The following GIGYF1 variants were observed in gnomAD, a reference collection of about 807,000 sequenced individuals.
GIGYF1 encodes the protein GRB10-interacting GYF protein 1.
Under a neutral mutation model 147.1 loss-of-function variants are expected in GIGYF1, and 84 were observed. That is an observed-to-expected ratio of 0.57 (90% confidence interval 0.48 to 0.68). GIGYF1 has a LOEUF of 0.68. GIGYF1 is among the 30% of genes least tolerant of loss of function. The probability of loss-of-function intolerance (pLI) is 0.00; values close to 1 mark genes in which losing one functional copy is unlikely to be tolerated. For missense variants in GIGYF1, 1,485 were observed against 1,393.7 expected (o/e 1.07, Z -1.04); for synonymous variants, 752 against 589.5 (o/e 1.28, Z -3.99).
Position 100,684,846 on chromosome 7 carries a change from C to T in GIGYF1, c.1339G>A (p.Glu447Lys), listed in dbSNP as rs1386109083. ...ASLQDSSLEE[E>K]QFTAAMQTQG... ...GTCTGCATGGCAGCCGTGAACTGCT[C>T]CTCCTCCAAGGAGCTGTCCTGCAGG... is the stretch of plus-strand genomic sequence containing the variant. The change falls in exon 15 of 27, where the codon GAG becomes AAG. Residue 447 changes from glutamate (E) to lysine (K), a missense_variant. By Grantham distance (56) the Glu-to-Lys change is moderately conservative. Coordinates refer to ENST00000678049, the MANE Select transcript of GIGYF1 (RefSeq NM_001375765.1). 6 of 1,605,954 alleles carry T rather than the reference C, an allele frequency of 3.7e-6. No individual in the cohort carries two copies. The highest frequency in any genetic ancestry group is 5.1e-6 in the Non-Finnish European group (6 of 1,175,618).
In GIGYF1 at chr7:100,686,204, G is replaced by A; in HGVS notation, c.924C>T (p.Ala308=). The stretch of plus-strand genomic sequence containing the variant: ...CCTTGAGAGGCAAGAAGGCCCCAGA[G>A]GCATCAAAGGTGCCCATTTCTTCAT... ...DEDEEMGTFD[A]SGAFLPLKKG... is the part of the protein sequence containing the mutation. The change falls in exon 11 of 27, where the codon GCC becomes GCT. Residue 308 remains alanine (A), a synonymous_variant. Coordinates refer to ENST00000678049, the MANE Select transcript of GIGYF1 (RefSeq NM_001375765.1). 1 of 1,612,844 alleles carries A rather than the reference G, an allele frequency of 6.2e-7. No homozygotes were observed. The highest frequency in any genetic ancestry group is 8.5e-7 in the Non-Finnish European group (1 of 1,179,370).
chr7:100,681,899 C>T lies in GIGYF1; in HGVS notation c.3020G>A (p.Arg1007Gln), dbSNP rs200216197. The T allele has an allele frequency of 1.4e-5, 22 of 1,611,828 alleles. No homozygotes were observed. The highest frequency in any genetic ancestry group is 2.2e-5 in the South Asian group (2 of 91,068). The change falls in exon 26 of 27, where the codon CGG (arginine) becomes CAG (glutamine). Residue 1007 changes from arginine (R) to glutamine (Q), a missense_variant. Coordinates refer to ENST00000678049, the MANE Select transcript of GIGYF1 (RefSeq NM_001375765.1). ...GPGEGSKAKRRALMLHSDPSI... is the reference protein window; with the variant it reads ...GPGEGSKAKRQALMLHSDPSI... Reference sequence around the variant, plus strand: ...GGGGTCTGAGTGCAGCATCAGTGCCCGCCTCTTGGCCTTGCTGCCCTCCCC... The same window carrying T: ...GGGGTCTGAGTGCAGCATCAGTGCCTGCCTCTTGGCCTTGCTGCCCTCCCC...
Position 100,682,660 on chromosome 7 carries a change from T to TG in GIGYF1, c.2529dup (p.Thr844HisfsTer25). On this transcript the variant is annotated frameshift_variant, in exon 23 of 27. Coordinates refer to ENST00000678049, the MANE Select transcript of GIGYF1 (RefSeq NM_001375765.1). LOFTEE classifies it high-confidence loss of function. ...ACCAGGCTCCCGCCGCTCTTGGGGG[T>TG]GTCCTCCCAGAGCCCCAGGCCGCTG... 1 of 1,603,452 alleles carries TG rather than the reference T, an allele frequency of 6.2e-7. No individual in the cohort carries two copies. The highest frequency in any genetic ancestry group is 8.5e-7 in the Non-Finnish European group (1 of 1,176,664).
chr7:100,682,158 C>A lies in GIGYF1; in HGVS notation c.2839G>T (p.Asp947Tyr), dbSNP rs747122849. The part of the protein sequence containing the change: ...VHDYIRSCLG[D>Y]TLEAKEFAKQ... Reference sequence around the variant, plus strand: ...GCAAATTCTTTGGCTTCCAGCGTGTCCCCCAGGCAGGAACGGATATAATCG... The same window carrying A: ...GCAAATTCTTTGGCTTCCAGCGTGTACCCCAGGCAGGAACGGATATAATCG... Residue 947 changes from aspartate (D) to tyrosine (Y), a missense_variant, in exon 25 of 27, where the codon GAC (aspartate) becomes TAC (tyrosine). Physicochemically the swap from Asp to Tyr is radical, Grantham distance 160. Transcript: ENST00000678049. The A allele has an allele frequency of 6.2e-7, 1 of 1,613,980 alleles. No homozygotes were observed. Among genetic ancestry groups the A allele is most frequent in the Non-Finnish European group, 8.5e-7 (1 of 1,179,958 alleles).
In GIGYF1 at chr7:100,687,874, C is replaced by A; in HGVS notation, c.175G>T (p.Glu59Ter). The A allele has an allele frequency of 6.2e-7, 1 of 1,613,558 alleles. No homozygotes were observed. The highest frequency in any genetic ancestry group is 8.5e-7 in the Non-Finnish European group (1 of 1,180,000). Residue 59 changes from glutamate (E) to a stop codon, truncating the protein, a stop_gained, in exon 6 of 27, where the codon GAG (glutamate) becomes TAG (stop). Transcript: ENST00000678049. LOFTEE classifies it high-confidence loss of function. ...GCGGCGAACTCCTTGTCCTGCAGCTCTTCCGGGACCTGGCAGTGGGTTGGG... is the reference window on the plus strand; with the variant it reads ...GCGGCGAACTCCTTGTCCTGCAGCTATTCCGGGACCTGGCAGTGGGTTGGG... ...LYVKENKVPE[E>*]LQDKEFAAVL... is the part of the protein sequence containing the mutation.
At chr7:100,689,860 C>A (rs1285927022) in intron 1 of GIGYF1, among the ~76,000 whole-genome samples, 1 of 152,168 alleles carries the variant, frequency 6.6e-6, no homozygotes, top group Admixed American at 6.5e-5. Context: ...GGACATCACG[C>A]TAAGAGAAAC....
intron 18 of GIGYF1, 44 bp downstream of exon 18, chr7:100,683,976 C>G (rs1364425043): frequency 6.2e-5 from 60 of 969,634 alleles, no homozygotes; most frequent in Non-Finnish European, 8.4e-5. Flanking sequence ...CTGCCCCCAT[C>G]CCCCCCCCAC....
intron 1 of GIGYF1, among the ~76,000 whole-genome samples, chr7:100,693,267 G>A (rs1029436616): frequency 2.0e-5 from 3 of 149,488 alleles, no homozygotes; most frequent in African/African-American, 5.0e-5. Context: ...GAGACGAGGG[G>A]CTTTTAAAAA....
chr7:100,682,476 T>A lies in GIGYF1; in HGVS notation c.2607A>T (p.Ser869=). The change falls in exon 24 of 27, where the codon TCA becomes TCT. Residue 869 remains serine, a synonymous_variant. Coordinates refer to ENST00000678049, the MANE Select transcript of GIGYF1 (RefSeq NM_001375765.1). ...TGGGCCGACCCGATAGGTGGCTGTATGAGTCACTGAAGGGGGAGGGTGAGT... is the reference window on the plus strand; with the variant it reads ...TGGGCCGACCCGATAGGTGGCTGTAAGAGTCACTGAAGGGGGAGGGTGAGT... ...NSRSSPSLSD[S]YSHLSGRPIR... is the part of the protein sequence containing the mutation. 1 of 1,612,022 alleles carries A rather than the reference T, an allele frequency of 6.2e-7. No homozygotes were observed. The highest frequency in any genetic ancestry group is 8.5e-7 in the Non-Finnish European group (1 of 1,179,926).
intron 22 of GIGYF1, 70 bp downstream of exon 22, chr7:100,682,942 T>G: frequency 7.4e-7 from 1 of 1,347,426 alleles, no homozygotes; most frequent in Non-Finnish European, 9.9e-7. Flanking sequence ...CAAGTCTGGG[T>G]TCAGTATCCC....
At chr7:100,693,509 G>A (rs1404036001) in intron 1 of GIGYF1, among the ~76,000 whole-genome samples, 3 of 152,268 alleles carry the variant, frequency 2.0e-5, no homozygotes, top group Non-Finnish European at 4.4e-5. Flanking sequence ...AGGTGAGGAG[G>A]ACCCAGGCGA....
At position 100,684,438 on chromosome 7, in the gene GIGYF1, G is replaced by C; in HGVS notation, c.1629+12C>G. On this transcript the variant is annotated intron_variant, in intron 16 of 26. Transcript: ENST00000678049. ...ACACCCTGTCCCTCCATGCAGGGGAGAAGCGGCTCACCAGCAGTGGGGGAG... is the reference window on the plus strand; with the variant it reads ...ACACCCTGTCCCTCCATGCAGGGGACAAGCGGCTCACCAGCAGTGGGGGAG... 3 of 1,611,864 alleles carry C rather than the reference G, an allele frequency of 1.9e-6. No individual in the cohort carries two copies. The highest frequency in any genetic ancestry group is 2.5e-6 in the Non-Finnish European group (3 of 1,179,864).
Position 100,683,025 on chromosome 7 carries a change from G to T in GIGYF1, c.2399C>A (p.Pro800His). The change falls in exon 22 of 27, where the codon CCC becomes CAC. Residue 800 changes from proline to histidine, a missense_variant. Transcript: ENST00000678049. ...CGGCCTGCTCACCACTCGGTGGTTG[G>T]GGGCCTGGGCCCGAGCTGGCTCCCG... ...PPREPARAQA[P>H]NHRVQLGGLG... The T allele has an allele frequency of 6.5e-7, 1 of 1,535,952 alleles. No individual in the cohort carries two copies. Among genetic ancestry groups the T allele is most frequent in the Non-Finnish European group, 8.7e-7 (1 of 1,145,906 alleles).
In GIGYF1 at chr7:100,681,753, G is replaced by A. The variant is rs201843233; in HGVS notation, c.3074C>T (p.Ser1025Phe). 2.2e-4 allele frequency: 349 copies of A among 1,584,510 alleles called. No individual in the cohort carries two copies. Among genetic ancestry groups the A allele is most frequent in the Admixed American group, 7.6e-4 (43 of 56,866 alleles). Residue 1025 changes from serine to phenylalanine, a missense_variant, in exon 27 of 27, where the codon TCT becomes TTT. By Grantham distance (155) the Ser-to-Phe change is radical. Transcript: ENST00000678049. ...ATCCACGCTCTCGATCTCACCAGAA[G>A]ATCCGTGCAGGGAGTACCCTGAAGC... ...PSILGYSLHGSSGEIESVDDY is the reference protein window; with the variant it reads ...PSILGYSLHGFSGEIESVDDY
intron 1 of GIGYF1, among the ~76,000 whole-genome samples, chr7:100,691,506 A>ATTTTTT (rs373899398): frequency 0.021 from 3,123 of 147,568 alleles, 50 homozygotes; most frequent in African/African-American, 0.039. Context: ...AAAAGAATAG[A>ATTTTTT]TTTTTTTTTT....
chr7:100,682,817 A>T, intron 22 of GIGYF1, 40 bp from the exon 23 acceptor site: 1 of 1,505,368 alleles, frequency 6.6e-7, no homozygotes, highest in Non-Finnish European at 8.9e-7. Flanking sequence ...AAACAAAGGC[A>T]CCCCAGAAAA....
At chr7:100,693,286 G>C (rs1370452513) in intron 1 of GIGYF1, among the ~76,000 whole-genome samples, 3 of 91,836 alleles carry the variant, frequency 3.3e-5, no homozygotes, top group Admixed American at 2.4e-4. Flanking sequence ...AAGTTACTCG[G>C]AAATTTTTTT....
Position 100,685,134 on chromosome 7 carries a change from C to T in GIGYF1, c.1205G>A (p.Gly402Glu). The T allele has an allele frequency of 6.3e-7, 1 of 1,582,130 alleles. No homozygotes were observed. Among genetic ancestry groups the T allele is most frequent in the Non-Finnish European group, 8.6e-7 (1 of 1,162,866 alleles). The change falls in exon 14 of 27, where the codon GGG becomes GAG. Residue 402 changes from glycine to glutamate, a missense_variant. Coordinates refer to ENST00000678049, the MANE Select transcript of GIGYF1 (RefSeq NM_001375765.1). ...GCCCACCCCGGGACTCAGCTGGATC[C>T]CCCGAATATCATCTGGAAGGCATGA... Reference protein sequence around the residue: ...EPPAAEDDIRGIQLSPGVGSS... With the variant: ...EPPAAEDDIREIQLSPGVGSS...
chr7:100,691,894 G>A (rs1314169883), intron 1 of GIGYF1, among the ~76,000 whole-genome samples: 1 of 152,272 alleles, frequency 6.6e-6, no homozygotes, highest in Non-Finnish European at 1.5e-5. Context: ...CAGGGCGCGC[G>A]GGAAAGGGAG....
Sources: allele counts gnomAD v4.1 joint callset (sites outside exome capture counted in the v4.1 genomes callset), GRCh38; gene constraint gnomAD v4.1.1; transcripts MANE v1.5; gene names NCBI Gene and HGNC (gene_info 2026-07-23, HGNC 2026-07-21).